The following MTCL1 variants were observed in gnomAD, a reference collection of about 807,000 sequenced individuals.
The protein encoded by MTCL1 is microtubule crosslinking factor 1.
MTCL1 carries 79 observed loss-of-function variants against 141.4 expected under a neutral mutation model. That is an observed-to-expected ratio of 0.56 (90% CI 0.47 to 0.67). The LOEUF (loss-of-function observed/expected upper bound fraction) is 0.67. Ranked by LOEUF, MTCL1 falls within the 30% of genes least tolerant of loss-of-function variation. The pLI is 0.00. For missense variants in MTCL1, 2,177 were observed against 2,113.9 expected (o/e 1.03, Z -0.59); for synonymous variants, 914 against 875.8 (o/e 1.04, Z -0.77).
intron 4 of MTCL1, among the ~76,000 whole-genome samples, chr18:8,769,368 T>TA (rs923975129): frequency 2.6e-5 from 4 of 152,228 alleles, no homozygotes; most frequent in African/African-American, 7.2e-5. Flanking sequence ...GGTCATCAGT[T>TA]ACAATTTTTC....
chr18:8,728,343 T>C (rs1392194225), intron 4 of MTCL1, among the ~76,000 whole-genome samples: 2 of 152,228 alleles, frequency 1.3e-5, no homozygotes, highest in Non-Finnish European at 1.5e-5. Context: ...TCATATTGTC[T>C]TGAAATCTAT....
chr18:8,811,520 T>TAC (rs144121191), intron 11 of MTCL1, among the ~76,000 whole-genome samples: 1,691 of 148,086 alleles, frequency 0.011, 23 homozygotes, highest in East Asian at 0.074. Context: ...CATTAATCTT[T>TAC]ATATATATAT....
chr18:8,718,610 G>A, exon 3 of MTCL1: 1 of 1,613,688 alleles, frequency 6.2e-7, no homozygotes. Context: ...GGGTCAGGTG[G>A]ATGGTGAGCT....
In MTCL1 at chr18:8,807,014, C is replaced by T. The variant is rs532812464; in HGVS notation, c.2558C>T (p.Ala853Val). 102 of 1,613,760 alleles carry T rather than the reference C, an allele frequency of 6.3e-5. 1 individual carries two copies. Among genetic ancestry groups the T allele is most frequent in the Non-Finnish European group, 8.2e-5 (97 of 1,179,946 alleles). Residue 853 changes from alanine to valine, a missense_variant, in exon 11 of 17, where the codon GCG becomes GTG. By Grantham distance (64) the Ala-to-Val change is moderately conservative. Coordinates refer to ENST00000359865, the Ensembl canonical transcript of MTCL1. ...CAGCAGCAATATGCCAGCGACAAGG[C>T]GGCCTGGGACGTGGAGTGGGCCGTG...
At chr18:8,808,523 T>C (rs1322192389) in intron 11 of MTCL1, among the ~76,000 whole-genome samples, 1 of 152,200 alleles carries the variant, frequency 6.6e-6, no homozygotes, top group Non-Finnish European at 1.5e-5. Context: ...CAGGTGGTAA[T>C]AGGTAGAGAG....
chr18:8,789,772 G>T (rs2075654860), intron 7 of MTCL1: 1 of 880,678 alleles, frequency 1.1e-6, no homozygotes, highest in Non-Finnish European at 1.4e-6. Context: ...TTTGGGGATT[G>T]GGTGGTAAAG....
Position 8,822,277 on chromosome 18 carries a change from G to GGGTT in MTCL1, c.3188+805_3188+808dup, listed in dbSNP as rs368659793. Among the ~76,000 whole-genome samples the GGGTT allele has an allele frequency of 3.2e-4, 48 of 152,072 alleles. No homozygotes were observed. The highest frequency in any genetic ancestry group is 6.2e-4 in the South Asian group (3 of 4,806). ...CTCAGGCTCTAGAGCCAAACTGCCT[G>GGGTT]GGTTGGTTGGTTGGTTGGTTGGTTG... On this transcript the variant is annotated intron_variant, in intron 14 of 16. Coordinates refer to ENST00000359865, the Ensembl canonical transcript of MTCL1. The surrounding 1 kb of genome is among the most constrained non-coding windows in gnomAD (Gnocchi z 4.6).
intron 4 of MTCL1, among the ~76,000 whole-genome samples, chr18:8,770,595 T>C (rs992020581): frequency 1.3e-5 from 2 of 152,192 alleles, no homozygotes; most frequent in African/African-American, 4.8e-5. Flanking sequence ...AAGGCCTCAC[T>C]TCTAATACCA....
In MTCL1 at chr18:8,706,732, G is replaced by T. The variant is rs537220945; in HGVS notation, c.1053+19G>T. 8.4e-6 allele frequency: 13 copies of T among 1,543,534 alleles called. No homozygotes were observed. The South Asian group carries it at 1.3e-4, about 16-fold the overall frequency. ...TCTCAAGGTGAGCCGCGCCTCGGCC[G>T]CAGGTGTCCCGGGGCGCCCCCGGAG... is the stretch of plus-strand genomic sequence containing the variant. On this transcript the variant is annotated intron_variant, in intron 1 of 13. Coordinates refer to the MTCL1 transcript ENST00000306329.
intron 11 of MTCL1, 48 bp from the exon 11 acceptor site, chr18:8,812,931 T>C: frequency 6.4e-7 from 1 of 1,574,014 alleles, no homozygotes; most frequent in East Asian, 2.3e-5. Flanking sequence ...CATCCTTGAA[T>C]GCAAGACTTG....
chr18:8,792,166 C>CTG (rs1455515152), intron 7 of MTCL1, among the ~76,000 whole-genome samples: 1 of 152,210 alleles, frequency 6.6e-6, no homozygotes, highest in Non-Finnish European at 1.5e-5. Flanking sequence ...TATAAATCAC[C>CTG]TGTCTTCAAG....
At chr18:8,783,244 T>C (rs1224768138) in intron 5 of MTCL1, among the ~76,000 whole-genome samples, 3 of 149,706 alleles carry the variant, frequency 2.0e-5, no homozygotes, top group Non-Finnish European at 4.5e-5. Context: ...ACTTGTATGA[T>C]GGTTTCCACG....
Position 8,830,274 on chromosome 18 carries a change from C to A in MTCL1, c.*18+1310C>A, listed in dbSNP as rs1309028829. On this transcript the variant is annotated intron_variant, in intron 16 of 16. Coordinates refer to ENST00000359865, the Ensembl canonical transcript of MTCL1. The surrounding 1 kb of genome is among the most constrained non-coding windows in gnomAD (Gnocchi z 6.4). Reference sequence around the variant, plus strand: ...TTGTCACGGTACTGTTAGCATAATGCTTTGGGAACAGAAGCTTCTCCCTGT... The same window carrying A: ...TTGTCACGGTACTGTTAGCATAATGATTTGGGAACAGAAGCTTCTCCCTGT... 14 of 985,470 alleles carry A rather than the reference C, an allele frequency of 1.4e-5. No homozygotes were observed. The highest frequency in any genetic ancestry group is 1.7e-5 in the Non-Finnish European group (14 of 829,988). 61.0% of individuals were successfully genotyped at this position (985,470 alleles called of 1,614,324 possible). A position where few individuals can be genotyped will look rare whatever the true frequency, so the allele number is the denominator to read the frequency against.
exon 10 of MTCL1, chr18:8,798,290 A>C (rs755109130): frequency 2.6e-6 from 4 of 1,526,756 alleles, no homozygotes. Flanking sequence ...CCCCACAAAC[A>C]GGTGGGTACC....
chr18:8,714,947 C>A (rs558235100), upstream of MTCL1, among the ~76,000 whole-genome samples: 1 of 152,150 alleles, frequency 6.6e-6, no homozygotes, highest in Non-Finnish European at 1.5e-5. Context: ...CAGGTGCCCG[C>A]CACCACGCCT....
intron 4 of MTCL1, among the ~76,000 whole-genome samples, chr18:8,756,353 G>A (rs1323791968): frequency 6.7e-6 from 1 of 149,722 alleles, no homozygotes; most frequent in East Asian, 2.0e-4. Context: ...ATATATATGT[G>A]TATATATGTA....
At chr18:8,750,825 G>T (rs2096366844) in intron 4 of MTCL1, among the ~76,000 whole-genome samples, 1 of 152,242 alleles carries the variant, frequency 6.6e-6, no homozygotes, top group Non-Finnish European at 1.5e-5. Context: ...ACAGGGAAAT[G>T]ACTTGCTGGT....
exon 17 of MTCL1, chr18:8,831,794 A>C (rs1054778630): frequency 1.0e-5 from 16 of 1,550,112 alleles, no homozygotes; most frequent in Non-Finnish European, 1.3e-5. Context: ...GAGCAGCCAC[A>C]CCGAGATGCA....
At chr18:8,720,248 T>G in intron 3 of MTCL1, 90 bp from the exon 3 acceptor site, 1 of 1,253,920 alleles carries the variant, frequency 8.0e-7, no homozygotes, top group South Asian at 1.4e-5. Context: ...AATATATTAC[T>G]TAATGATTTT....
Sources: allele counts gnomAD v4.1 joint callset (sites outside exome capture counted in the v4.1 genomes callset), GRCh38; gene constraint gnomAD v4.1.1; non-coding constraint Gnocchi (gnomAD v3.1); transcripts MANE v1.5; gene names NCBI Gene and HGNC (gene_info 2026-07-23, HGNC 2026-07-21).